UBE2F: variants seen among roughly 807,000 people sequenced by gnomAD.
UBE2F encodes NEDD8-conjugating enzyme UBE2F.
In UBE2F, 5 loss-of-function variants were observed where a neutral mutation model predicts 29.6. The observed-to-expected ratio is 0.17, with a 90% CI of 0.09 to 0.36. UBE2F has a LOEUF of 0.36. Among genes scored for constraint, UBE2F ranks in the 10% least tolerant of loss-of-function variants. UBE2F has a pLI of 1.00. For missense variants in UBE2F, 141 were observed against 228.5 expected, an observed-to-expected ratio of 0.62 and a Z score of 2.47; for synonymous variants, 66 against 81.8, an observed-to-expected ratio of 0.81 and a Z score of 1.04.
At position 238,035,886 on chromosome 2, in the gene UBE2F, G is replaced by A. The variant is rs2064697576; in HGVS notation, c.453G>A (p.Leu151=). 2 of 1,612,148 alleles carry A rather than the reference G, an allele frequency of 1.2e-6. No homozygotes were observed. Among genetic ancestry groups the A allele is most frequent in the South Asian group, 2.2e-5 (2 of 90,956 alleles). Residue 151 remains leucine, a synonymous_variant, in exon 9 of 10, where the codon TTG becomes TTA. Transcript: ENST00000272930. ...WGLNSLFTDL[L]NFDDPLNIEA... ...GTTTCTCTCTTTTTAAGGATCTTTT[G>A]AATTTTGATGATCCACTGAATATTG...
rs941909782 is a variant in UBE2F at position 238,041,467 on chromosome 2, C to T, written c.*129C>T. 9 of 836,270 alleles carry T rather than the reference C, an allele frequency of 1.1e-5. No individual in the cohort carries two copies. Among genetic ancestry groups the T allele is most frequent in the African/African-American group, 1.7e-5 (1 of 59,668 alleles). The allele number at this position is 836,270 out of a possible 1,614,324, so 51.8% of individuals were successfully genotyped here. On this transcript the variant is annotated 3_prime_UTR_variant, in exon 10 of 10. Transcript: ENST00000272930. ...CCCTGGATTGCCCCAGTCCTGTGAC[C>T]ATGTTGCCCTGAAGAAGACCATCTT...
At chr2:237,988,245 C>G (rs140839425) in intron 3 of UBE2F, among the ~76,000 whole-genome samples, 1 of 151,938 alleles carries the variant, frequency 6.6e-6, no homozygotes, top group African/African-American at 2.4e-5. Context: ...GTTAGGAGTT[C>G]GAGACCAGCC....
intron 4 of UBE2F, among the ~76,000 whole-genome samples, chr2:238,001,281 C>G (rs1176148669): frequency 6.6e-6 from 1 of 152,150 alleles, no homozygotes; most frequent in African/African-American, 2.4e-5. Flanking sequence ...GATCTGCCCG[C>G]CTCAGCCTCC....
At chr2:237,993,754 G>C (rs891219132) in intron 3 of UBE2F, among the ~76,000 whole-genome samples, 2 of 152,198 alleles carry the variant, frequency 1.3e-5, no homozygotes, top group African/African-American at 4.8e-5. Context: ...TATAGATGTA[G>C]AAAATTTCTA....
At chr2:237,990,246 T>C (rs1025042745) in intron 3 of UBE2F, among the ~76,000 whole-genome samples, 36 of 149,378 alleles carry the variant, frequency 2.4e-4, no homozygotes, top group African/African-American at 8.2e-4. Flanking sequence ...ACAAGCAAAA[T>C]TGGCAAAATG....
intron 4 of UBE2F, among the ~76,000 whole-genome samples, chr2:238,000,220 A>T (rs537455466): frequency 6.6e-6 from 1 of 152,038 alleles, no homozygotes; most frequent in African/African-American, 2.4e-5. Context: ...ATTTTTCTTG[A>T]TCATGTTAGC....
chr2:237,970,965 G>A (rs1383181598), intron 1 of UBE2F, among the ~76,000 whole-genome samples: 1 of 152,180 alleles, frequency 6.6e-6, no homozygotes, highest in African/African-American at 2.4e-5. Context: ...CACCTGCCTC[G>A]GCCTACCGAA....
chr2:237,987,346 T>C (rs1363695764), intron 2 of UBE2F, among the ~76,000 whole-genome samples: 1 of 152,182 alleles, frequency 6.6e-6, no homozygotes, highest in Admixed American at 6.5e-5. Context: ...CTTTCTAGTT[T>C]GGATGCCTTT....
At position 238,041,345 on chromosome 2, in the gene UBE2F, G is replaced by C; in HGVS notation, c.*7G>C. ...CAAACGTTATGCCAGATGATAAAAG[G>C]GGACGATTGCAGGCCCATGGACTGT... On this transcript the variant is annotated 3_prime_UTR_variant, in exon 10 of 10. Transcript: ENST00000272930. The C allele has an allele frequency of 6.2e-7, 1 of 1,613,792 alleles. No homozygotes were observed. Among genetic ancestry groups the C allele is most frequent in the Non-Finnish European group, 8.5e-7 (1 of 1,179,810 alleles).
At chr2:238,028,930 T>A (rs958954301) in intron 6 of UBE2F, 1 of 149,146 alleles carries the variant, frequency 6.7e-6, no homozygotes, top group Non-Finnish European at 1.5e-5. Context: ...TATACTTTTT[T>A]CAAAGTATGG....
intron 1 of UBE2F, among the ~76,000 whole-genome samples, chr2:237,969,881 G>A (rs181570454): frequency 2.2e-4 from 33 of 152,314 alleles, no homozygotes; most frequent in African/African-American, 7.0e-4. Flanking sequence ...TGCTCTGGGC[G>A]AAGCTGTGAA....
chr2:238,038,180 G>A (rs2064760698), intron 9 of UBE2F, among the ~76,000 whole-genome samples: 1 of 152,218 alleles, frequency 6.6e-6, no homozygotes, highest in African/African-American at 2.4e-5. Context: ...CAGGCATGGT[G>A]GGCATGGGGA....
At chr2:237,977,219 AGGTCTCACAAGGAGAAG>A (rs11271956) in intron 2 of UBE2F, among the ~76,000 whole-genome samples, 117,009 of 148,152 alleles carry the variant, frequency 0.79, 45,837 homozygotes, top group Non-Finnish European at 0.83. Context: ...AAGAACAAGA[AGGTCTCACAAGGAGAAG>A]GGTCTCACAA....
At chr2:238,010,450 C>T (rs936151431) in intron 4 of UBE2F, among the ~76,000 whole-genome samples, 1 of 152,190 alleles carries the variant, frequency 6.6e-6, no homozygotes, top group Non-Finnish European at 1.5e-5. Flanking sequence ...GGATTACAGG[C>T]GTGAGCCACC....
At chr2:237,995,779 TA>T (rs962004046) in intron 4 of UBE2F, among the ~76,000 whole-genome samples, 22 of 152,032 alleles carry the variant, frequency 1.4e-4, no homozygotes, top group Non-Finnish European at 2.8e-4. Context: ...CTTGAAACCT[TA>T]AAAAAAATTC....
chr2:238,001,112 G>A (rs1185491873), intron 4 of UBE2F, among the ~76,000 whole-genome samples: 6 of 133,296 alleles, frequency 4.5e-5, no homozygotes, highest in East Asian at 2.5e-4. Context: ...TCGGCTCACC[G>A]CAACCTCCGC....
intron 4 of UBE2F, among the ~76,000 whole-genome samples, chr2:238,012,692 A>G (rs1424534161): frequency 6.6e-6 from 1 of 152,102 alleles, no homozygotes; most frequent in South Asian, 2.1e-4. Context: ...CATTCTAACA[A>G]TATGCCTCTG....
At chr2:237,975,111 T>G (rs1258541974) in intron 2 of UBE2F, among the ~76,000 whole-genome samples, 1 of 151,912 alleles carries the variant, frequency 6.6e-6, no homozygotes, top group Non-Finnish European at 1.5e-5. Context: ...TAAAATTTTT[T>G]TTTTTTTTTG....
At chr2:238,007,634 T>C (rs1026041) in intron 4 of UBE2F, among the ~76,000 whole-genome samples, 130,606 of 152,106 alleles carry the variant, frequency 0.86, 56,226 homozygotes, top group East Asian at 0.97. Context: ...GTGATCATAA[T>C]GGTTTTTCTG....
Sources: gnomAD v4.1 joint callset for allele counts (sites outside exome capture counted in the v4.1 genomes callset) on GRCh38, gnomAD v4.1.1 for gene constraint, MANE v1.5 for transcripts, NCBI Gene and HGNC (gene_info 2026-07-23, HGNC 2026-07-21) for gene names.